The following WWOX variants were observed in gnomAD, a reference collection of about 807,000 sequenced individuals.
WWOX encodes WW domain containing oxidoreductase.
A neutral mutation model predicts 46.2 loss-of-function variants in WWOX; 69 were observed. The observed-to-expected ratio is 1.49, with a 90% CI of 1.23 to 1.82. The LOEUF (loss-of-function observed/expected upper bound fraction) is 1.82. WWOX is among the 40% of genes most tolerant of loss of function. The probability of loss-of-function intolerance (pLI) is 0.00; values close to 1 mark genes in which losing one functional copy is unlikely to be tolerated. For missense variants in WWOX, 919 were observed against 542.6 expected, an observed-to-expected ratio of 1.69 and a Z score of -6.89; for synonymous variants, 359 against 202.6, an observed-to-expected ratio of 1.77 and a Z score of -6.56.
At chr16:78,237,602 T>C (rs1597387006) in intron 5 of WWOX, 1 of 152,116 alleles carries the variant, frequency 6.6e-6, no homozygotes, top group African/African-American at 2.4e-5. Flanking sequence ...AGTCACAAGC[T>C]CCTGCCCATG....
chr16:78,128,223 G>A (rs1382833741), intron 4 of WWOX, among the ~76,000 whole-genome samples: 1 of 151,994 alleles, frequency 6.6e-6, no homozygotes, highest in Admixed American at 6.5e-5. Context: ...ATGGGGAGAG[G>A]TTTCTGCAAA....
At chr16:79,055,292 A>G (rs980803178) in intron 8 of WWOX, among the ~76,000 whole-genome samples, 1 of 152,226 alleles carries the variant, frequency 6.6e-6, no homozygotes, top group Admixed American at 6.5e-5. Flanking sequence ...TCACATTGTG[A>G]TAAAGATGAA....
At chr16:78,870,119 A>G (rs980992299) in intron 8 of WWOX, among the ~76,000 whole-genome samples, 1 of 152,170 alleles carries the variant, frequency 6.6e-6, no homozygotes, top group Non-Finnish European at 1.5e-5. Flanking sequence ...GTGCTCTGAC[A>G]GGGCATGACT....
At chr16:78,261,818 A>ATATG (rs2079249125) in intron 5 of WWOX, among the ~76,000 whole-genome samples, 3 of 144,826 alleles carry the variant, frequency 2.1e-5, no homozygotes, top group African/African-American at 7.7e-5. Context: ...ATATATATAT[A>ATATG]CTTATAATGT....
intron 8 of WWOX, among the ~76,000 whole-genome samples, chr16:78,893,165 C>A (rs561198080): frequency 6.6e-6 from 1 of 150,950 alleles, no homozygotes; most frequent in Admixed American, 6.6e-5. Flanking sequence ...CAAAGACACA[C>A]GACTATGAGA....
rs547619401 is a variant in WWOX, at chr16:78,424,894, C to T, written c.630C>T (p.Asn210=). Residue 210 remains asparagine (N), a synonymous_variant, in exon 7 of 9, where the codon AAC becomes AAT. Transcript: ENST00000566780. ...GGCCTCTTCATGTGCTTGTGTGCAACGCAGCAACTTTTGCTCTACCCTGGA... is the reference window on the plus strand; with the variant it reads ...GGCCTCTTCATGTGCTTGTGTGCAATGCAGCAACTTTTGCTCTACCCTGGA... The part of the protein sequence containing the change: ...KNVPLHVLVC[N]AATFALPWSL... The T allele has an allele frequency of 3.2e-5, 52 of 1,614,090 alleles. No homozygotes were observed. Among genetic ancestry groups the T allele is most frequent in the East Asian group, 3.1e-4 (14 of 44,860 alleles).
At chr16:79,051,555 T>A (rs1051006615) in intron 8 of WWOX, among the ~76,000 whole-genome samples, 1 of 141,496 alleles carries the variant, frequency 7.1e-6, no homozygotes, top group East Asian at 2.1e-4. Context: ...CTGGGAAATA[T>A]AGTTTGCTGT....
chr16:79,117,433 T>C (rs2049539017), intron 8 of WWOX, among the ~76,000 whole-genome samples: 1 of 152,182 alleles, frequency 6.6e-6, no homozygotes. Flanking sequence ...TTATTCCATT[T>C]ATAGAGCACA....
At chr16:78,647,033 T>C (rs2046860443) in intron 8 of WWOX, among the ~76,000 whole-genome samples, 1 of 152,138 alleles carries the variant, frequency 6.6e-6, no homozygotes, top group Admixed American at 6.5e-5. Flanking sequence ...TTTCTCTTCC[T>C]TTTGAGCCCA....
chr16:78,700,294 G>T (rs968804874), intron 8 of WWOX, among the ~76,000 whole-genome samples: 1 of 148,394 alleles, frequency 6.7e-6, no homozygotes, highest in Non-Finnish European at 1.5e-5. Flanking sequence ...CCTTCTTGCT[G>T]TGTCCTCACT....
At chr16:78,351,315 A>G (rs572027057) in intron 5 of WWOX, among the ~76,000 whole-genome samples, 1 of 152,216 alleles carries the variant, frequency 6.6e-6, no homozygotes, top group Non-Finnish European at 1.5e-5. Context: ...GTGCTACAAG[A>G]GTTTCAGAAT....
At chr16:78,653,932 T>C (rs2047022796) in intron 8 of WWOX, among the ~76,000 whole-genome samples, 1 of 152,192 alleles carries the variant, frequency 6.6e-6, no homozygotes, top group Non-Finnish European at 1.5e-5. Flanking sequence ...TGAGCAAACG[T>C]CTTCACATTT....
intron 8 of WWOX, among the ~76,000 whole-genome samples, chr16:78,438,358 T>A (rs2083377273): frequency 6.6e-6 from 1 of 152,220 alleles, no homozygotes; most frequent in Admixed American, 6.5e-5. Context: ...TGCACGGTAA[T>A]GCCCCTGGCA....
chr16:78,430,104 A>G (rs1477307387), intron 7 of WWOX, among the ~76,000 whole-genome samples: 2 of 152,208 alleles, frequency 1.3e-5, no homozygotes, highest in African/African-American at 2.4e-5. Context: ...AGGCCTCACA[A>G]TCATGGCGGA....
chr16:79,145,852 T>C (rs1430472647), intron 8 of WWOX, among the ~76,000 whole-genome samples: 2 of 152,160 alleles, frequency 1.3e-5, no homozygotes, highest in Admixed American at 1.3e-4. Context: ...TTAACACAAC[T>C]ATCAGATATT....
chr16:78,754,546 TA>T (rs2049587257), intron 8 of WWOX, among the ~76,000 whole-genome samples: 1 of 152,170 alleles, frequency 6.6e-6, no homozygotes, highest in Non-Finnish European at 1.5e-5. Context: ...TCTCTCCAAA[TA>T]AATGGTATTT....
At chr16:78,966,973 C>T (rs931053144) in intron 8 of WWOX, among the ~76,000 whole-genome samples, 1 of 152,164 alleles carries the variant, frequency 6.6e-6, no homozygotes, top group Non-Finnish European at 1.5e-5. Context: ...TGAGTTATTT[C>T]TTATTAACAT....
At chr16:79,065,926 G>T (rs1276928764) in intron 8 of WWOX, among the ~76,000 whole-genome samples, 1 of 152,186 alleles carries the variant, frequency 6.6e-6, no homozygotes, top group East Asian at 1.9e-4. Context: ...CCCAGGCATT[G>T]TTCTTGAATA....
chr16:78,820,313 G>T lies in WWOX; in HGVS notation c.1056+387561G>T, dbSNP rs145471951. 9.1e-3 allele frequency among the ~76,000 whole-genome samples: 1,390 copies of T among 152,314 alleles called. 10 individuals carry two copies. The highest frequency in any genetic ancestry group is 0.017 in the Middle Eastern group (5 of 294). On this transcript the variant is annotated intron_variant, in intron 8 of 8. Coordinates refer to ENST00000566780, the MANE Select transcript of WWOX (RefSeq NM_016373.4). ...TGTGTGACCCAAAGTTTTGGCTACT[G>T]AAGACGTTGCATGCCCTCCAACAGT...
Sources: gnomAD v4.1 joint callset for allele counts (sites outside exome capture counted in the v4.1 genomes callset) on GRCh38, gnomAD v4.1.1 for gene constraint, MANE v1.5 for transcripts, NCBI Gene and HGNC (gene_info 2026-07-23, HGNC 2026-07-21) for gene names.